Variants in TMPRSS15 observed in about 807,000 individuals in gnomAD.
TMPRSS15 encodes transmembrane serine protease 15.
In TMPRSS15, 128 loss-of-function variants were observed where a neutral mutation model predicts 125.3. That is an observed-to-expected ratio of 1.02 (90% CI 0.89 to 1.18). The LOEUF (loss-of-function observed/expected upper bound fraction) is 1.18. Among genes scored for constraint, TMPRSS15 ranks in the 50% most tolerant of loss-of-function variants. The pLI is 0.00. For missense variants in TMPRSS15, 1,283 were observed against 1,212.7 expected (o/e 1.06, Z -0.86); for synonymous variants, 446 against 423.2 (o/e 1.05, Z -0.66).
chr21:18,355,233 T>A (rs1362552936), intron 8 of TMPRSS15, among the ~76,000 whole-genome samples: 1 of 151,844 alleles, frequency 6.6e-6, no homozygotes, highest in Non-Finnish European at 1.5e-5. Flanking sequence ...CTGCCTCTTT[T>A]TTCCTTTTTA....
intron 23 of TMPRSS15, among the ~76,000 whole-genome samples, chr21:18,278,164 C>A (rs1488919410): frequency 1.3e-5 from 2 of 152,030 alleles, no homozygotes; most frequent in African/African-American, 4.8e-5. Context: ...GTGAGGCCTT[C>A]ACATTATAAA....
intron 7 of TMPRSS15, among the ~76,000 whole-genome samples, chr21:18,362,683 T>G (rs1050299366): frequency 1.3e-5 from 2 of 152,206 alleles, no homozygotes; most frequent in Non-Finnish European, 2.9e-5. Context: ...TGTATTATTG[T>G]GTCAGTAGTT....
chr21:18,325,464 G>C (rs1484586747), intron 16 of TMPRSS15, among the ~76,000 whole-genome samples: 3 of 152,128 alleles, frequency 2.0e-5, no homozygotes, highest in African/African-American at 7.2e-5. Flanking sequence ...GCCCTGGTCA[G>C]TTGTGAGTGG....
intron 5 of TMPRSS15, among the ~76,000 whole-genome samples, chr21:18,374,977 G>A (rs1212892767): frequency 1.3e-5 from 2 of 152,272 alleles, no homozygotes; most frequent in South Asian, 2.1e-4. Context: ...GCCATTAGTC[G>A]CAATAGTGAT....
chr21:18,482,707 A>G (rs1215881573), intron 1 of TMPRSS15, among the ~76,000 whole-genome samples: 4 of 151,658 alleles, frequency 2.6e-5, no homozygotes, highest in Admixed American at 2.0e-4. Context: ...ATTTTGTGTG[A>G]TTTTTTAAAA....
chr21:18,374,732 C>T (rs1219954033), intron 5 of TMPRSS15, among the ~76,000 whole-genome samples: 1 of 152,112 alleles, frequency 6.6e-6, no homozygotes, highest in Non-Finnish European at 1.5e-5. Context: ...CCATGTGAAA[C>T]ACCACTTGAA....
intron 15 of TMPRSS15, among the ~76,000 whole-genome samples, chr21:18,328,913 A>G (rs570743476): frequency 1.4e-4 from 22 of 152,214 alleles, no homozygotes; most frequent in Non-Finnish European, 2.4e-4. Context: ...CTATGTACCC[A>G]TGAAAATTAA....
chr21:18,432,868 C>T (rs996058176), intron 1 of TMPRSS15, among the ~76,000 whole-genome samples: 3 of 152,034 alleles, frequency 2.0e-5, no homozygotes, highest in Non-Finnish European at 4.4e-5. Flanking sequence ...AAATTCTTCT[C>T]TAGTTTTTAT....
intron 21 of TMPRSS15, among the ~76,000 whole-genome samples, chr21:18,287,207 T>A (rs1253537770): frequency 1.3e-5 from 2 of 152,170 alleles, no homozygotes; most frequent in Non-Finnish European, 2.9e-5. Context: ...GAAAACTACT[T>A]AGCACAGGAT....
chr21:18,402,717 G>A (rs2076108272), intron 1 of TMPRSS15, among the ~76,000 whole-genome samples: 1 of 152,046 alleles, frequency 6.6e-6, no homozygotes. Context: ...GTTCCAGAGC[G>A]GGATTGTCTA....
At chr21:18,415,887 T>A (rs1411984875) in intron 1 of TMPRSS15, among the ~76,000 whole-genome samples, 1 of 152,076 alleles carries the variant, frequency 6.6e-6, no homozygotes. Context: ...CATCATCTTG[T>A]GTGTAGAGAA....
Position 18,353,796 on chromosome 21 carries a change from A to G in TMPRSS15, c.948T>C (p.Leu316=). The G allele has an allele frequency of 6.2e-7, 1 of 1,611,942 alleles. No individual in the cohort carries two copies. Among genetic ancestry groups the G allele is most frequent in the Non-Finnish European group, 8.5e-7 (1 of 1,178,490 alleles). The change falls in exon 9 of 25, where the codon CTT becomes CTC. Residue 316 remains leucine (L), a synonymous_variant. Coordinates refer to ENST00000284885, the MANE Select transcript of TMPRSS15 (RefSeq NM_002772.3). ...IFSNQVTATF[L]IESDESDYVG... ...CATAATCACTTTCATCAGATTCTAT[A>G]AGAAAGGTGGCAGTAACTTGGTTGG... is the stretch of plus-strand genomic sequence containing the variant.
intron 1 of TMPRSS15, among the ~76,000 whole-genome samples, chr21:18,441,239 G>A (rs899018060): frequency 2.6e-5 from 4 of 151,776 alleles, no homozygotes; most frequent in African/African-American, 9.7e-5. Flanking sequence ...GTTGCAGTGA[G>A]CCCTGCACTC....
chr21:18,347,858 T>C (rs912787024), intron 10 of TMPRSS15, among the ~76,000 whole-genome samples: 2 of 152,104 alleles, frequency 1.3e-5, no homozygotes, highest in Non-Finnish European at 2.9e-5. Flanking sequence ...TGGCCAGCCA[T>C]AGTGGCTCCC....
intron 16 of TMPRSS15, among the ~76,000 whole-genome samples, chr21:18,325,797 T>C (rs1336277503): frequency 2.0e-5 from 3 of 152,014 alleles, no homozygotes; most frequent in East Asian, 1.9e-4. Context: ...ATACTAGATA[T>C]ATGAATATAT....
upstream of TMPRSS15, among the ~76,000 whole-genome samples, chr21:18,404,505 A>G (rs966772104): frequency 2.6e-5 from 4 of 152,230 alleles, no homozygotes; most frequent in Non-Finnish European, 5.9e-5. Flanking sequence ...TTGTAGATAT[A>G]TGCTTTATGG....
intron 13 of TMPRSS15, among the ~76,000 whole-genome samples, chr21:18,339,132 A>G (rs1366163348): frequency 1.3e-5 from 2 of 152,044 alleles, no homozygotes; most frequent in African/African-American, 4.8e-5. Context: ...TACATCTTAC[A>G]TTTCATCTGC....
chr21:18,400,539 T>C (rs969575616), intron 1 of TMPRSS15, among the ~76,000 whole-genome samples: 2 of 152,138 alleles, frequency 1.3e-5, no homozygotes, highest in African/African-American at 4.8e-5. Flanking sequence ...TGCAGAAGAA[T>C]GAAACTGGAT....
At chr21:18,442,241 A>G (rs1221815860) in intron 1 of TMPRSS15, among the ~76,000 whole-genome samples, 1 of 152,180 alleles carries the variant, frequency 6.6e-6, no homozygotes, top group Non-Finnish European at 1.5e-5. Context: ...TCTCTCCATC[A>G]GATATGGCTG....
Sources: gnomAD v4.1 joint callset for allele counts (sites outside exome capture counted in the v4.1 genomes callset) on GRCh38, gnomAD v4.1.1 for gene constraint, MANE v1.5 for transcripts, NCBI Gene and HGNC (gene_info 2026-07-23, HGNC 2026-07-21) for gene names.